Variants in MBD5 observed in about 807,000 individuals in gnomAD.
The protein encoded by MBD5 is methyl-CpG binding domain protein 5.
A neutral mutation model predicts 117.3 loss-of-function variants in MBD5; 13 were observed. The observed-to-expected ratio is 0.11, with a 90% CI of 0.07 to 0.18. The LOEUF (loss-of-function observed/expected upper bound fraction) is 0.18, where lower values mean the gene tolerates loss of function less well. Ranked by LOEUF, MBD5 falls within the 10% of genes least tolerant of loss-of-function variation. MBD5 has a pLI of 1.00. For missense variants in MBD5, 1,879 were observed against 2,093.8 expected, an observed-to-expected ratio of 0.90 and a Z score of 2.00; for synonymous variants, 727 against 766.4, an observed-to-expected ratio of 0.95 and a Z score of 0.85.
chr2:148,181,724 T>A (rs1279211282), intron 2 of MBD5, among the ~76,000 whole-genome samples: 1 of 152,198 alleles, frequency 6.6e-6, no homozygotes, highest in Admixed American at 6.5e-5. Context: ...ATGTGCTCGA[T>A]ATTAATTTCC....
chr2:148,483,036 C>T (rs751658971), intron 8 of MBD5, 74 bp from the exon 9 acceptor site: 9 of 1,498,432 alleles, frequency 6.0e-6, no homozygotes, highest in African/African-American at 1.4e-5. Flanking sequence ...TATGTTAATG[C>T]ATTTTTATGC....
chr2:148,323,246 TGTTGGACATTTGG>T (rs1337124240), intron 3 of MBD5, among the ~76,000 whole-genome samples: 3 of 152,204 alleles, frequency 2.0e-5, no homozygotes, highest in Non-Finnish European at 2.9e-5. Flanking sequence ...AGACTATGAT[TGTTGGACATTTGG>T]GTTGGTTCCA....
rs1680661461 is a variant in MBD5 at position 148,468,433 on chromosome 2, T to C, written c.490T>C (p.Cys164Arg). 3.7e-6 allele frequency: 6 copies of C among 1,613,778 alleles called. No homozygotes were observed. Among genetic ancestry groups the C allele is most frequent in the Non-Finnish European group, 5.1e-6 (6 of 1,179,806 alleles). ...AATTACAAATTCTGTAATGCCTGAA[T>C]GTAAGAATCCTTTCAAGTTAATGAT... ...EGITNSVMPECKNPFKLMIGS... is the reference protein window; with the variant it reads ...EGITNSVMPERKNPFKLMIGS... The change falls in exon 8 of 14, where the codon TGT becomes CGT. Residue 164 changes from cysteine (C) to arginine (R), a missense_variant. By Grantham distance (180) the Cys-to-Arg change is radical. Transcript: ENST00000642680.
At chr2:148,457,665 G>A (rs1706926572) in intron 4 of MBD5, among the ~76,000 whole-genome samples, 1 of 151,968 alleles carries the variant, frequency 6.6e-6, no homozygotes, top group Non-Finnish European at 1.5e-5. Context: ...TCAGTAATAT[G>A]GGAGGGAAAC....
intron 4 of MBD5, among the ~76,000 whole-genome samples, chr2:148,446,760 T>G (rs1371212007): frequency 6.6e-6 from 1 of 151,962 alleles, no homozygotes; most frequent in African/African-American, 2.4e-5. Context: ...TAAGTTAGAG[T>G]GTTTCAAGGA....
At chr2:148,116,488 G>A (rs533449814) in intron 1 of MBD5, among the ~76,000 whole-genome samples, 1 of 152,310 alleles carries the variant, frequency 6.6e-6, no homozygotes, top group African/African-American at 2.4e-5. Context: ...TTCATCTGTT[G>A]CTTCTCAGAT....
chr2:148,082,167 C>T (rs1695663416), intron 1 of MBD5, among the ~76,000 whole-genome samples: 1 of 152,180 alleles, frequency 6.6e-6, no homozygotes, highest in Non-Finnish European at 1.5e-5. Flanking sequence ...AATTTCTTTT[C>T]ACAAACCCCA....
chr2:148,379,448 C>G (rs1321325892), intron 4 of MBD5, among the ~76,000 whole-genome samples: 1 of 151,858 alleles, frequency 6.6e-6, no homozygotes, highest in African/African-American at 2.4e-5. Context: ...AAAAGATAAT[C>G]AAAAACAGTG....
chr2:148,225,215 GT>G (rs977787320), intron 2 of MBD5, among the ~76,000 whole-genome samples: 12 of 151,888 alleles, frequency 7.9e-5, no homozygotes, highest in African/African-American at 2.9e-4. Context: ...TTAGTTGTAT[GT>G]TTTTTTGGTT....
At chr2:148,224,085 A>G (rs1049214597) in intron 2 of MBD5, among the ~76,000 whole-genome samples, 2 of 152,218 alleles carry the variant, frequency 1.3e-5, no homozygotes, top group African/African-American at 4.8e-5. Flanking sequence ...GTCAGAGAAC[A>G]TGCTTGATAT....
intron 1 of MBD5, among the ~76,000 whole-genome samples, chr2:148,031,124 AATT>A (rs1292072471): frequency 1.3e-5 from 2 of 152,106 alleles, no homozygotes; most frequent in Non-Finnish European, 2.9e-5. Flanking sequence ...CAGTGATCCA[AATT>A]ATTATATGTT....
chr2:148,091,139 C>T (rs1427143556), intron 1 of MBD5, among the ~76,000 whole-genome samples: 1 of 152,006 alleles, frequency 6.6e-6, no homozygotes. Flanking sequence ...AAACAAAACA[C>T]TGCTGAAATG....
intron 1 of MBD5, among the ~76,000 whole-genome samples, chr2:148,119,684 G>T (rs751077338): frequency 1.4e-4 from 21 of 152,028 alleles, no homozygotes; most frequent in Admixed American, 5.9e-4. Flanking sequence ...TTTATGTATG[G>T]TGTGAGGAAG....
At chr2:148,194,800 A>T (rs1698931794) in intron 2 of MBD5, among the ~76,000 whole-genome samples, 1 of 151,936 alleles carries the variant, frequency 6.6e-6, no homozygotes, top group Non-Finnish European at 1.5e-5. Flanking sequence ...AAATGAAAGA[A>T]CAGATGGAAT....
At chr2:148,300,349 G>A (rs1014652674) in intron 3 of MBD5, among the ~76,000 whole-genome samples, 4 of 152,104 alleles carry the variant, frequency 2.6e-5, no homozygotes, top group Non-Finnish European at 4.4e-5. Context: ...CATTGCGCCC[G>A]GGCATGGGGA....
chr2:148,041,078 C>T (rs1694345063), intron 1 of MBD5: 1 of 152,372 alleles, frequency 6.6e-6, no homozygotes, highest in African/African-American at 2.4e-5. Context: ...CCTCTAACCT[C>T]AGCCTCCTGG....
chr2:148,457,403 C>G (rs150655098), intron 4 of MBD5, among the ~76,000 whole-genome samples: 91 of 152,172 alleles, frequency 6.0e-4, no homozygotes, highest in African/African-American at 2.1e-3. Context: ...ATAATACTAA[C>G]AAATGTGAAG....
intron 1 of MBD5, among the ~76,000 whole-genome samples, chr2:148,168,531 C>A (rs756768805): frequency 6.6e-6 from 1 of 152,058 alleles, no homozygotes; most frequent in Non-Finnish European, 1.5e-5. Context: ...GGAAAGTAAA[C>A]CTGGGATTTC....
chr2:148,041,108 C>T (rs553854428), intron 1 of MBD5: 2 of 152,410 alleles, frequency 1.3e-5, no homozygotes, highest in South Asian at 2.1e-4. Flanking sequence ...CTCATGCCAC[C>T]ATGCCCAGCT....
Sources: gnomAD v4.1 joint callset for allele counts (sites outside exome capture counted in the v4.1 genomes callset) on GRCh38, gnomAD v4.1.1 for gene constraint, MANE v1.5 for transcripts, NCBI Gene and HGNC (gene_info 2026-07-23, HGNC 2026-07-21) for gene names.